TRIB2: variants seen among roughly 807,000 people sequenced by gnomAD.
TRIB2 encodes tribbles pseudokinase 2.
In TRIB2, 2 loss-of-function variants were observed where a neutral mutation model predicts 26.8. The ratio of observed to expected loss-of-function variants is 0.07; its 90% CI spans 0.03 to 0.24. The LOEUF is 0.24. Among genes scored for constraint, TRIB2 ranks in the 10% least tolerant of loss-of-function variants. TRIB2 has a pLI of 1.00. For missense variants in TRIB2, 306 were observed against 449.0 expected, an observed-to-expected ratio of 0.68 and a Z score of 2.88; for synonymous variants, 189 against 187.3, an observed-to-expected ratio of 1.01 and a Z score of -0.08.
rs770116479 is a variant in TRIB2, at chr2:12,740,706, C to G, written c.944C>G (p.Ser315Trp). The G allele has an allele frequency of 6.2e-7, 1 of 1,614,140 alleles. No homozygotes were observed. Among genetic ancestry groups the G allele is most frequent in the South Asian group, 1.1e-5 (1 of 91,080 alleles). The change falls in exon 3 of 3, where the codon TCG (serine) becomes TGG (tryptophan). Residue 315 changes from serine to tryptophan, a missense_variant. Transcript: ENST00000155926. This position sits in a 1 kb window ranked among gnomAD's most constrained non-coding sequence, Gnocchi z 5.8. ...TGGTTTTCTACAGATTTTAGCGTCT[C>G]GAATTCAGCATATGGTGCTAAGGAA... Reference protein sequence around the residue: ...HPWFSTDFSVSNSAYGAKEVS... With the variant: ...HPWFSTDFSVWNSAYGAKEVS...
chr2:12,717,851 C>A lies in TRIB2; in HGVS notation c.-457C>A, dbSNP rs1055041139. Reference sequence around the variant, plus strand: ...GGCTTCTAACGCGTTGGGACTGAGTCGCCGCCGTGAGCTCCCCGAAGACTG... The same window carrying A: ...GGCTTCTAACGCGTTGGGACTGAGTAGCCGCCGTGAGCTCCCCGAAGACTG... On this transcript the variant is annotated 5_prime_UTR_variant, in exon 1 of 3. Coordinates refer to ENST00000155926, the MANE Select transcript of TRIB2 (RefSeq NM_021643.4). The surrounding 1 kb of genome is among the most constrained non-coding windows in gnomAD (Gnocchi z 4.8). The A allele has an allele frequency of 4.4e-6, 1 of 228,598 alleles. No homozygotes were observed. The highest frequency in any genetic ancestry group is 8.4e-6 in the Non-Finnish European group (1 of 118,664). 14.2% of individuals were successfully genotyped at this position (228,598 alleles called of 1,614,324 possible).
rs55813198 is a variant in TRIB2 at position 12,718,318 on chromosome 2, A to G, written c.11A>G (p.His4Arg). ...GCGATCCTCACACTCATGAACATACACAGGTCTACCCCCATCACAATAGCG... is the reference window on the plus strand; with the variant it reads ...GCGATCCTCACACTCATGAACATACGCAGGTCTACCCCCATCACAATAGCG... MNI[H>R]RSTPITIARY... Residue 4 changes from histidine (H) to arginine (R), a missense_variant, in exon 1 of 3, where the codon CAC (histidine) becomes CGC (arginine). This residue lies in a region of TRIB2 where 99 missense variants were observed against 106.5 expected (regional missense o/e 0.93). Transcript: ENST00000155926. The surrounding 1 kb of genome is among the most constrained non-coding windows in gnomAD (Gnocchi z 4.0). 0.017 allele frequency: 27,141 copies of G among 1,613,774 alleles called. 305 individuals carry two copies. Among genetic ancestry groups the G allele is most frequent in the Non-Finnish European group, 0.02 (23,353 of 1,179,762 alleles).
chr2:12,731,679 A>G (rs375246735), intron 2 of TRIB2, among the ~76,000 whole-genome samples: 5 of 152,304 alleles, frequency 3.3e-5, no homozygotes, highest in African/African-American at 1.2e-4. Context: ...GATCTCATTC[A>G]TTACGTGCCT....
At chr2:12,731,203 C>T (rs142618853) in intron 2 of TRIB2, among the ~76,000 whole-genome samples, 4 of 152,168 alleles carry the variant, frequency 2.6e-5, no homozygotes, top group Non-Finnish European at 4.4e-5. Context: ...ACCTCCTGCA[C>T]GAGGTTGGCT....
In TRIB2 at chr2:12,717,130, G is replaced by C. The variant is rs972371085; in HGVS notation, c.-1178G>C. On this transcript the variant is annotated 5_prime_UTR_variant, in exon 1 of 3. Transcript: ENST00000155926. This position sits in a 1 kb window ranked among gnomAD's most constrained non-coding sequence, Gnocchi z 4.8. The stretch of plus-strand genomic sequence containing the variant: ...AAATACACGGTCCCCTCTTTTCTCT[G>C]GGGGGGGCAAGCAAGAAATCAAAGA... 1 of 355,552 alleles carries C rather than the reference G, an allele frequency of 2.8e-6. No individual in the cohort carries two copies. 22.0% of individuals were successfully genotyped at this position (355,552 alleles called of 1,614,324 possible). A position where few individuals can be genotyped will look rare whatever the true frequency, so the allele number is the denominator to read the frequency against.
chr2:12,739,696 T>C (rs1661668532), intron 2 of TRIB2, among the ~76,000 whole-genome samples: 1 of 152,228 alleles, frequency 6.6e-6, no homozygotes, highest in African/African-American at 2.4e-5. Flanking sequence ...CTTAGGAAGA[T>C]GTGGGATCAA....
At chr2:12,735,344 C>T (rs1661545114) in intron 2 of TRIB2, among the ~76,000 whole-genome samples, 1 of 152,126 alleles carries the variant, frequency 6.6e-6, no homozygotes, top group Non-Finnish European at 1.5e-5. Context: ...AGAGAAAGAG[C>T]AGGCTCCTGC....
rs1661733003 is a variant in TRIB2, at chr2:12,742,507, G to T, written c.*1713G>T. ...CCTTGATTCTATTTTGCTAATGGAA[G>T]ATAGAAAGGAGAGAAGGTTTTTTTT... On this transcript the variant is annotated 3_prime_UTR_variant, in exon 3 of 3. Transcript: ENST00000155926. 6.6e-6 allele frequency: 1 copy of T among 151,622 alleles called. No individual in the cohort carries two copies. The highest frequency in any genetic ancestry group is 1.5e-5 in the Non-Finnish European group (1 of 67,902). The allele number at this position is 151,622 out of a possible 1,614,324, so 9.4% of individuals were successfully genotyped here. A position where few individuals can be genotyped will look rare whatever the true frequency, so the allele number is the denominator to read the frequency against.
chr2:12,738,053 A>G (rs1352724617), intron 2 of TRIB2, among the ~76,000 whole-genome samples: 1 of 152,230 alleles, frequency 6.6e-6, no homozygotes, highest in Admixed American at 6.5e-5. Context: ...TACGGAAAGT[A>G]GTCACTCCTT....
At chr2:12,726,573 C>A (rs997974666) in intron 2 of TRIB2, among the ~76,000 whole-genome samples, 10 of 152,164 alleles carry the variant, frequency 6.6e-5, no homozygotes, top group Non-Finnish European at 1.3e-4. Flanking sequence ...TCAACAACAT[C>A]GAAAGTGTAA....
Position 12,740,779 on chromosome 2 carries a change from C to T in TRIB2, c.1017C>T (p.Asp339=), listed in dbSNP as rs755066008. 2.5e-6 allele frequency: 4 copies of T among 1,613,520 alleles called. No homozygotes were observed. Among genetic ancestry groups the T allele is most frequent in the South Asian group, 1.1e-5 (1 of 91,052 alleles). Residue 339 remains aspartate, a synonymous_variant, in exon 3 of 3, where the codon GAC becomes GAT. Coordinates refer to ENST00000155926, the MANE Select transcript of TRIB2 (RefSeq NM_021643.4). The surrounding 1 kb of genome is among the most constrained non-coding windows in gnomAD (Gnocchi z 5.8). ...VPDVNMEENL[D]PFFN ...ACGTCAACATGGAAGAGAACTTGGACCCTTTCTTTAACTGAGCTCATGCCC... is the reference window on the plus strand; with the variant it reads ...ACGTCAACATGGAAGAGAACTTGGATCCTTTCTTTAACTGAGCTCATGCCC...
chr2:12,720,578 T>A (rs1298916961), intron 1 of TRIB2, among the ~76,000 whole-genome samples: 1 of 150,928 alleles, frequency 6.6e-6, no homozygotes, highest in African/African-American at 2.4e-5. Flanking sequence ...ACTTTAAGGC[T>A]CAGTGAAATC....
intron 2 of TRIB2, among the ~76,000 whole-genome samples, chr2:12,739,959 G>A (rs905542929): frequency 2.0e-5 from 3 of 152,154 alleles, no homozygotes; most frequent in Non-Finnish European, 2.9e-5. Flanking sequence ...ATTCTGTGGT[G>A]CCCTATCATT....
intron 2 of TRIB2, among the ~76,000 whole-genome samples, chr2:12,735,747 T>C (rs1661554240): frequency 1.3e-5 from 2 of 152,174 alleles, no homozygotes; most frequent in Admixed American, 1.3e-4. Flanking sequence ...TGCTTTGCTC[T>C]CTGACCTGGG....
chr2:12,729,032 T>C (rs1398838690), intron 2 of TRIB2, among the ~76,000 whole-genome samples: 1 of 152,184 alleles, frequency 6.6e-6, no homozygotes, highest in East Asian at 1.9e-4. Context: ...TTTGGGAAAA[T>C]ACCTTTCGTT....
Position 12,740,548 on chromosome 2 carries a change from C to A in TRIB2, c.786C>A (p.Leu262=), listed in dbSNP as rs1463162438. The A allele has an allele frequency of 6.2e-7, 1 of 1,614,182 alleles. No individual in the cohort carries two copies. Among genetic ancestry groups the A allele is most frequent in the African/African-American group, 1.3e-5 (1 of 75,056 alleles). ...YPFHDIEPSS[L]FSKIRRGQFN... ...TCCATGACATTGAACCCAGCTCCCT[C>A]TTCAGCAAGATCCGGCGTGGCCAGT... is the stretch of plus-strand genomic sequence containing the variant. Residue 262 remains leucine (L), a synonymous_variant, in exon 3 of 3, where the codon CTC becomes CTA. Coordinates refer to ENST00000155926, the MANE Select transcript of TRIB2 (RefSeq NM_021643.4). This position sits in a 1 kb window ranked among gnomAD's most constrained non-coding sequence, Gnocchi z 5.8.
In TRIB2 at chr2:12,718,323, T is replaced by C; in HGVS notation, c.16T>C (p.Ser6Pro). 1 of 1,614,116 alleles carries C rather than the reference T, an allele frequency of 6.2e-7. No homozygotes were observed. The highest frequency in any genetic ancestry group is 8.5e-7 in the Non-Finnish European group (1 of 1,180,004). The change falls in exon 1 of 3, where the codon TCT (serine) becomes CCT (proline). Residue 6 changes from serine to proline, a missense_variant. Transcript: ENST00000155926. This position sits in a 1 kb window ranked among gnomAD's most constrained non-coding sequence, Gnocchi z 4.0. ...CCTCACACTCATGAACATACACAGG[T>C]CTACCCCCATCACAATAGCGAGATA... MNIHR[S>P]TPITIARYGR...
intron 2 of TRIB2, 71 bp downstream of exon 2, chr2:12,723,623 T>A: frequency 2.0e-6 from 3 of 1,526,194 alleles, no homozygotes; most frequent in Admixed American, 2.1e-5. Flanking sequence ...TAGAAAAGTC[T>A]TGAATGGACG....
At chr2:12,738,496 T>C (rs139779476) in intron 2 of TRIB2, among the ~76,000 whole-genome samples, 2,372 of 152,208 alleles carry the variant, frequency 0.016, 24 homozygotes, top group Non-Finnish European at 0.023. Flanking sequence ...CTCCTCACCT[T>C]CTCTGCAAGC....
Sources: gnomAD v4.1 joint callset for allele counts (sites outside exome capture counted in the v4.1 genomes callset) on GRCh38, gnomAD v4.1.1 for gene constraint, gnomAD v4.1.1 regional missense constraint, Gnocchi (gnomAD v3.1) non-coding constraint, MANE v1.5 for transcripts, NCBI Gene and HGNC (gene_info 2026-07-23, HGNC 2026-07-21) for gene names.